Variants in FER1L6 observed in about 807,000 individuals in gnomAD.
The protein encoded by FER1L6 is fer-1 like family member 6.
Under a neutral mutation model 219.2 loss-of-function variants are expected in FER1L6, and 177 were observed. That is an observed-to-expected ratio of 0.81 (90% confidence interval 0.71 to 0.91). FER1L6 has a LOEUF of 0.91. FER1L6 is among the 40% of genes least tolerant of loss of function. The pLI, the probability that FER1L6 is intolerant of heterozygous loss-of-function variation, is 0.00. For missense variants in FER1L6, 2,153 were observed against 2,259.9 expected (o/e 0.95, Z 0.96); for synonymous variants, 768 against 824.3 (o/e 0.93, Z 1.17).
chr8:124,086,072 C>A (rs1253814515), intron 33 of FER1L6, among the ~76,000 whole-genome samples: 2 of 151,812 alleles, frequency 1.3e-5, no homozygotes, highest in Non-Finnish European at 2.9e-5. Flanking sequence ...CTTTTTTAAT[C>A]CTTTATTTTT....
chr8:123,935,733 A>G (rs1233537520), intron 1 of FER1L6, among the ~76,000 whole-genome samples: 2 of 152,082 alleles, frequency 1.3e-5, no homozygotes, highest in Non-Finnish European at 2.9e-5. Flanking sequence ...GGTAATTAAA[A>G]CCACAAGTTA....
At position 124,013,479 on chromosome 8, in the gene FER1L6, G is replaced by T. The variant is rs1342651798; in HGVS notation, c.1870G>T (p.Ala624Ser). 7 of 1,610,158 alleles carry T rather than the reference G, an allele frequency of 4.3e-6. No homozygotes were observed. Among genetic ancestry groups the T allele is most frequent in the Non-Finnish European group, 5.9e-6 (7 of 1,179,062 alleles). ...AGAATTGATCAAGATTTCACAGGAGGCACCTGAAGAGAAAATGAAAACAGT... is the reference window on the plus strand; with the variant it reads ...AGAATTGATCAAGATTTCACAGGAGTCACCTGAAGAGAAAATGAAAACAGT... ...VRELIKISQEAPEEKMKTVLS... is the reference protein window; with the variant it reads ...VRELIKISQESPEEKMKTVLS... The change falls in exon 15 of 41, where the codon GCA becomes TCA. Residue 624 changes from alanine (A) to serine (S), a missense_variant. Ala to Ser is a moderately conservative substitution (Grantham distance 99). Coordinates refer to ENST00000522917, the MANE Select transcript of FER1L6 (RefSeq NM_001039112.2).
intron 24 of FER1L6, among the ~76,000 whole-genome samples, chr8:124,061,071 G>C (rs1022073423): frequency 6.6e-5 from 10 of 152,170 alleles, no homozygotes; most frequent in Admixed American, 6.5e-4. Context: ...CTGGTTTAAC[G>C]AGGTTTCCAG....
At chr8:124,007,665 C>T (rs1460917312) in intron 13 of FER1L6, among the ~76,000 whole-genome samples, 9 of 152,176 alleles carry the variant, frequency 5.9e-5, no homozygotes, top group South Asian at 2.1e-4. Context: ...CACAGCTTCC[C>T]CTTTTAGCTA....
At chr8:124,118,589 TTG>T (rs1374865451) in intron 39 of FER1L6, among the ~76,000 whole-genome samples, 5 of 152,330 alleles carry the variant, frequency 3.3e-5, no homozygotes, top group African/African-American at 9.6e-5. Context: ...GTGACGGAGC[TTG>T]TGTGTCTGTG....
intron 16 of FER1L6, among the ~76,000 whole-genome samples, chr8:124,018,969 A>G (rs1818329313): frequency 6.6e-6 from 1 of 152,092 alleles, no homozygotes. Flanking sequence ...CACTGTCTAA[A>G]CTGAGTTTCT....
chr8:123,930,569 G>A (rs1813729339), intron 1 of FER1L6, among the ~76,000 whole-genome samples: 1 of 152,176 alleles, frequency 6.6e-6, no homozygotes, highest in South Asian at 2.1e-4. Context: ...TTGGATGGGT[G>A]AGCACAGTGA....
chr8:123,920,325 T>A (rs1006716024), intron 1 of FER1L6, among the ~76,000 whole-genome samples: 1 of 152,226 alleles, frequency 6.6e-6, no homozygotes, highest in Non-Finnish European at 1.5e-5. Context: ...GTGACTTGTG[T>A]CTGACCTCTG....
intron 1 of FER1L6, among the ~76,000 whole-genome samples, chr8:123,947,338 G>T (rs1481275286): frequency 1.3e-5 from 2 of 152,072 alleles, no homozygotes; most frequent in Admixed American, 6.5e-5. Flanking sequence ...ACTGAGGCTG[G>T]GTGACAGCCA....
chr8:124,037,124 G>A (rs1222295400), intron 19 of FER1L6, among the ~76,000 whole-genome samples: 1 of 152,194 alleles, frequency 6.6e-6, no homozygotes, highest in Admixed American at 6.5e-5. Flanking sequence ...AAGACTCAAG[G>A]TTTCAGAAAA....
chr8:124,058,685 C>T (rs962824288), intron 22 of FER1L6: 1 of 152,126 alleles, frequency 6.6e-6, no homozygotes, highest in Non-Finnish European at 1.5e-5. Flanking sequence ...TAGAGGCAGC[C>T]CCTCCTATGC....
At position 124,060,121 on chromosome 8, in the gene FER1L6, G is replaced by A. The variant is rs1002641391; in HGVS notation, c.2875-59G>A. The A allele has an allele frequency of 2.6e-5, 33 of 1,255,022 alleles. No individual in the cohort carries two copies. In the East Asian group the frequency reaches 6.9e-4, roughly 26 times the overall value. 77.7% of individuals were successfully genotyped at this position (1,255,022 alleles called of 1,614,324 possible). A position where few individuals can be genotyped will look rare whatever the true frequency, so the allele number is the denominator to read the frequency against. On this transcript the variant is annotated intron_variant, in intron 22 of 40. Coordinates refer to ENST00000522917, the MANE Select transcript of FER1L6 (RefSeq NM_001039112.2). The stretch of plus-strand genomic sequence containing the variant: ...ATCTTACTGATGAGGTGGTTGTGTG[G>A]CACTGTTGCCTTCCCTGTGTCTCTC...
intron 1 of FER1L6, among the ~76,000 whole-genome samples, chr8:123,920,973 T>C (rs1228984699): frequency 2.0e-5 from 3 of 152,226 alleles, no homozygotes; most frequent in Non-Finnish European, 4.4e-5. Flanking sequence ...GCCTAACTTA[T>C]TCACTTAACA....
At chr8:123,907,639 G>A (rs1451330761) in intron 1 of FER1L6, among the ~76,000 whole-genome samples, 2 of 149,766 alleles carry the variant, frequency 1.3e-5, no homozygotes, top group African/African-American at 4.9e-5. Context: ...TCCCCAGTAT[G>A]AGAAGAATAT....
intron 1 of FER1L6, among the ~76,000 whole-genome samples, chr8:123,887,957 C>T (rs139337601): frequency 5.3e-4 from 80 of 152,182 alleles, no homozygotes; most frequent in Admixed American, 1.4e-3. Flanking sequence ...TAACATTGCT[C>T]ATAAAACTCT....
intron 1 of FER1L6, among the ~76,000 whole-genome samples, chr8:123,952,118 G>C (rs535396108): frequency 6.6e-6 from 1 of 151,518 alleles, no homozygotes; most frequent in East Asian, 1.9e-4. Context: ...CAGCATGAGG[G>C]ATCAATAAGG....
At chr8:123,966,916 C>T (rs1037616180) in intron 5 of FER1L6, among the ~76,000 whole-genome samples, 1 of 151,892 alleles carries the variant, frequency 6.6e-6, no homozygotes, top group African/African-American at 2.4e-5. Flanking sequence ...CCCATCTCTA[C>T]TAAAAATACA....
rs370389561 is a variant in FER1L6, at chr8:124,101,137, G to A, written c.4924G>A (p.Val1642Met). 14 of 1,613,678 alleles carry A rather than the reference G, an allele frequency of 8.7e-6. No individual in the cohort carries two copies. The highest frequency in any genetic ancestry group is 4.0e-5 in the African/African-American group (3 of 74,862). Residue 1642 changes from valine (V) to methionine (M), a missense_variant, in exon 38 of 41, where the codon GTG becomes ATG. Transcript: ENST00000522917. ...GLEDDKQETD[V>M]HYNSLTGEGN... is the part of the protein sequence containing the mutation. ...GGAGGATGACAAGCAGGAGACAGAT[G>A]TGCATTACAACTCCCTGACTGGAGA...
intron 1 of FER1L6, among the ~76,000 whole-genome samples, chr8:123,935,947 CAAA>C (rs35857676): frequency 1.4e-5 from 2 of 143,116 alleles, no homozygotes; most frequent in Non-Finnish European, 1.5e-5. Flanking sequence ...CTGGCTAATG[CAAA>C]AAAAAAAAAA....
Sources: gnomAD v4.1 joint callset for allele counts (sites outside exome capture counted in the v4.1 genomes callset) on GRCh38, gnomAD v4.1.1 for gene constraint, MANE v1.5 for transcripts, NCBI Gene and HGNC (gene_info 2026-07-23, HGNC 2026-07-21) for gene names.